Variants in SORL1 observed in about 807,000 individuals in gnomAD.
SORL1 encodes sortilin-related receptor.
Under a neutral mutation model 273.7 loss-of-function variants are expected in SORL1, and 127 were observed. The ratio of observed to expected loss-of-function variants is 0.46; its 90% CI spans 0.40 to 0.54. SORL1 has a LOEUF of 0.54. SORL1 is among the 20% of genes least tolerant of loss of function. The probability of loss-of-function intolerance (pLI) is 0.00; values close to 1 mark genes in which losing one functional copy is unlikely to be tolerated. For synonymous variants in SORL1, 1,031 were observed against 1,067.4 expected (o/e 0.97, Z 0.66); for missense variants, 2,494 against 2,846.1 (o/e 0.88, Z 2.81).
chr11:121,557,942 A>C (rs1862616049), intron 19 of SORL1, among the ~76,000 whole-genome samples: 1 of 152,164 alleles, frequency 6.6e-6, no homozygotes, highest in African/African-American at 2.4e-5. Context: ...AATTGGCACA[A>C]TTTTTTTCAA....
chr11:121,552,197 A>C (rs558027196), intron 16 of SORL1, among the ~76,000 whole-genome samples: 2 of 152,354 alleles, frequency 1.3e-5, no homozygotes, highest in Non-Finnish European at 1.5e-5. Flanking sequence ...ATGCTTTCAC[A>C]GGACTAATGG....
At chr11:121,495,613 C>T (rs775835592) in intron 5 of SORL1, among the ~76,000 whole-genome samples, 19 of 152,122 alleles carry the variant, frequency 1.2e-4, no homozygotes, top group Admixed American at 5.2e-4. Context: ...ACTATCTTCC[C>T]GACTTTACCA....
chr11:121,466,321 G>A (rs2134776601), intron 1 of SORL1, among the ~76,000 whole-genome samples: 1 of 152,254 alleles, frequency 6.6e-6, no homozygotes, highest in African/African-American at 2.4e-5. Context: ...CTGTGTGGGG[G>A]ATTGGCGATG....
chr11:121,571,291 A>C (rs1355218026), intron 23 of SORL1, among the ~76,000 whole-genome samples: 3 of 152,256 alleles, frequency 2.0e-5, no homozygotes, highest in Non-Finnish European at 4.4e-5. Flanking sequence ...CATGTGGGGA[A>C]GCTGGCATGG....
chr11:121,498,991 T>G (rs886911279), intron 6 of SORL1, among the ~76,000 whole-genome samples: 39 of 152,338 alleles, frequency 2.6e-4, no homozygotes, highest in African/African-American at 8.7e-4. Context: ...GGTGAGTTTT[T>G]AATTAAACCT....
At chr11:121,454,668 T>A (rs374407225) in intron 1 of SORL1, among the ~76,000 whole-genome samples, 5 of 152,288 alleles carry the variant, frequency 3.3e-5, no homozygotes, top group Admixed American at 2.6e-4. Context: ...AGAAGTGGAA[T>A]TAATTTGAAT....
intron 8 of SORL1, 75 bp from the exon 9 acceptor site, chr11:121,520,582 G>T (rs1369144391): frequency 1.9e-6 from 2 of 1,056,646 alleles, no homozygotes; most frequent in African/African-American, 3.2e-5. Flanking sequence ...ACTTTTAAAT[G>T]GTCAAATTTT....
chr11:121,608,173 A>G lies in SORL1; in HGVS notation c.5236A>G (p.Lys1746Glu). Reference protein sequence around the residue: ...DSKSITTIKGKVIPPPDIHID... With the variant: ...DSKSITTIKGEVIPPPDIHID... ...TAAATCCATTACCACCATAAAAGGA[A>G]AAGGTAAATGATCCCAGCATTTGCA... Residue 1746 changes from lysine to glutamate, a missense_variant, in exon 38 of 48, where the codon AAA (lysine) becomes GAA (glutamate). By Grantham distance (56) the Lys-to-Glu change is moderately conservative. Around this residue, in one of 3 missense-constraint regions of SORL1, gnomAD observed 1,609 missense variants for 1,816.4 expected, o/e 0.89. Transcript: ENST00000260197. The G allele has an allele frequency of 6.2e-7, 1 of 1,612,472 alleles. No individual in the cohort carries two copies. The highest frequency in any genetic ancestry group is 8.5e-7 in the Non-Finnish European group (1 of 1,178,474).
intron 11 of SORL1, among the ~76,000 whole-genome samples, chr11:121,531,482 C>T (rs539210895): frequency 1.1e-4 from 17 of 152,312 alleles, no homozygotes; most frequent in African/African-American, 3.8e-4. Flanking sequence ...GAATTGGACA[C>T]ATCTTATGGA....
intron 2 of SORL1, among the ~76,000 whole-genome samples, chr11:121,474,408 T>G (rs1306041259): frequency 6.6e-6 from 1 of 152,206 alleles, no homozygotes; most frequent in African/African-American, 2.4e-5. Context: ...CTTAGAACAG[T>G]GCCAGATATG....
At position 121,452,523 on chromosome 11, in the gene SORL1, G is replaced by A; in HGVS notation, c.192G>A (p.Gly64=). 2.0e-6 allele frequency: 3 copies of A among 1,480,048 alleles called. No individual in the cohort carries two copies. The highest frequency in any genetic ancestry group is 2.8e-5 in the East Asian group (1 of 35,636). 91.7% of individuals were successfully genotyped at this position (1,480,048 alleles called of 1,614,324 possible). A position where few individuals can be genotyped will look rare whatever the true frequency, so the allele number is the denominator to read the frequency against. The change falls in exon 1 of 48, where the codon GGG becomes GGA. Residue 64 remains glycine, a synonymous_variant. Coordinates refer to ENST00000260197, the MANE Select transcript of SORL1 (RefSeq NM_003105.6). The surrounding 1 kb of genome is among the most constrained non-coding windows in gnomAD (Gnocchi z 5.3). ...GCGAGCTGCGGCTGTGGGCGCGCGG[G>A]GATGCCAGGGGGGCGAGCCGCGCGG... is the stretch of plus-strand genomic sequence containing the variant. ...DPRELRLWAR[G]DARGASRADE... is the part of the protein sequence containing the mutation.
Position 121,627,461 on chromosome 11 carries a change from C to T in SORL1, c.6365-94C>T, listed in dbSNP as rs1591359831. 1.0e-6 allele frequency: 1 copy of T among 1,004,966 alleles called. No homozygotes were observed. Among genetic ancestry groups the T allele is most frequent in the East Asian group, 2.4e-5 (1 of 42,032 alleles). The allele number at this position is 1,004,966 out of a possible 1,614,324, so 62.3% of individuals were successfully genotyped here. A position where few individuals can be genotyped will look rare whatever the true frequency, so the allele number is the denominator to read the frequency against. ...GCAGTTTGTGTAGCTGTGGCTATCG[C>T]CCAGCTTTTTTTGGTGGGTGGGGCC... is the stretch of plus-strand genomic sequence containing the variant. On this transcript the variant is annotated intron_variant, in intron 46 of 47. Coordinates refer to ENST00000260197, the MANE Select transcript of SORL1 (RefSeq NM_003105.6). The surrounding 1 kb of genome is among the most constrained non-coding windows in gnomAD (Gnocchi z 4.9).
intron 22 of SORL1, among the ~76,000 whole-genome samples, chr11:121,567,534 G>A (rs536842403): frequency 3.3e-5 from 5 of 152,240 alleles, no homozygotes; most frequent in African/African-American, 1.2e-4. Flanking sequence ...CTCCTTCCGC[G>A]TTTACTCTCA....
intron 34 of SORL1, 62 bp downstream of exon 34, chr11:121,605,301 T>G: frequency 2.5e-6 from 4 of 1,585,108 alleles, no homozygotes; most frequent in Non-Finnish European, 3.4e-6. Flanking sequence ...GGATGTTCTG[T>G]AAACTCTCTA....
chr11:121,568,642 A>T (rs1381277704), intron 22 of SORL1, among the ~76,000 whole-genome samples: 1 of 152,254 alleles, frequency 6.6e-6, no homozygotes, highest in Admixed American at 6.5e-5. Flanking sequence ...AACTATGTAT[A>T]TAAAAACATA....
chr11:121,486,317 C>A (rs1861470965), intron 3 of SORL1, among the ~76,000 whole-genome samples: 1 of 152,084 alleles, frequency 6.6e-6, no homozygotes, highest in Admixed American at 6.5e-5. Context: ...TGCTTCCCAG[C>A]CTTGTTTTCT....
chr11:121,520,672 A>C lies in SORL1; in HGVS notation c.1227A>C (p.Glu409Asp). ...SDTLVRYFAN[E>D]PFADFHRVEG... is the part of the protein sequence containing the mutation. ...CATATTGTAGGTATTTTGCAAATGA[A>C]CCATTTGCTGACTTCCACCGAGTGG... The change falls in exon 9 of 48, where the codon GAA becomes GAC. Residue 409 changes from glutamate to aspartate, a missense_variant. Coordinates refer to ENST00000260197, the MANE Select transcript of SORL1 (RefSeq NM_003105.6). The C allele has an allele frequency of 6.4e-7, 1 of 1,570,102 alleles. No homozygotes were observed. The highest frequency in any genetic ancestry group is 8.6e-7 in the Non-Finnish European group (1 of 1,159,644).
intron 25 of SORL1, among the ~76,000 whole-genome samples, chr11:121,580,440 T>C (rs758399485): frequency 2.0e-5 from 3 of 152,200 alleles, no homozygotes; most frequent in South Asian, 2.1e-4. Flanking sequence ...AGCTGTTTTT[T>C]TTATTTCCAT....
intron 32 of SORL1, among the ~76,000 whole-genome samples, chr11:121,603,480 G>A (rs117466188): frequency 0.012 from 1,849 of 152,172 alleles, 20 homozygotes; most frequent in Non-Finnish European, 0.017. Context: ...TTTCTTTTTG[G>A]AGCCTCCCGT....
Sources: allele counts gnomAD v4.1 joint callset (sites outside exome capture counted in the v4.1 genomes callset), GRCh38; gene constraint gnomAD v4.1.1; regional missense constraint gnomAD v4.1.1; non-coding constraint Gnocchi (gnomAD v3.1); transcripts MANE v1.5; gene names NCBI Gene and HGNC (gene_info 2026-07-23, HGNC 2026-07-21).